SMIM7: variants seen among roughly 807,000 people sequenced by gnomAD.
SMIM7 encodes small integral membrane protein 7.
In SMIM7, 12 loss-of-function variants were observed where a neutral mutation model predicts 13.3. That is an observed-to-expected ratio of 0.90 (90% CI 0.58 to 1.46). SMIM7 has a LOEUF of 1.46. Ranked by LOEUF, SMIM7 falls within the 40% of genes most tolerant of loss-of-function variation. The probability of loss-of-function intolerance (pLI) is 0.00; values close to 1 mark genes in which losing one functional copy is unlikely to be tolerated. For missense variants in SMIM7, 114 were observed against 94.8 expected, an observed-to-expected ratio of 1.20 and a Z score of -0.84; for synonymous variants, 36 against 35.8, an observed-to-expected ratio of 1.01 and a Z score of -0.02.
intron 4 of SMIM7, among the ~76,000 whole-genome samples, chr19:16,650,347 G>A (rs960763493): frequency 6.6e-6 from 1 of 152,126 alleles, no homozygotes; most frequent in African/African-American, 2.4e-5. Context: ...AAATACTCAG[G>A]GACGTTTCTC....
intron 3 of SMIM7, among the ~76,000 whole-genome samples, chr19:16,657,339 G>A (rs2086609210): frequency 6.6e-6 from 1 of 152,174 alleles, no homozygotes; most frequent in African/African-American, 2.4e-5. Flanking sequence ...GCCACTTTGT[G>A]CCAAATCTCC....
chr19:16,647,751 C>T (rs911335004), intron 4 of SMIM7, among the ~76,000 whole-genome samples: 1 of 152,006 alleles, frequency 6.6e-6, no homozygotes. Flanking sequence ...CCACTCCGCA[C>T]AGCCAACACC....
chr19:16,635,920 A>ATATG (rs2086357528), intron 4 of SMIM7, among the ~76,000 whole-genome samples: 1 of 145,388 alleles, frequency 6.9e-6, no homozygotes, highest in African/African-American at 2.5e-5. Context: ...ATATATATAT[A>ATATG]TATGTATGTA....
At position 16,659,949 on chromosome 19, in the gene SMIM7, A is replaced by G. The variant is rs751602585; in HGVS notation, c.68+10T>C. 6.2e-7 allele frequency: 1 copy of G among 1,601,360 alleles called. No individual in the cohort carries two copies. The highest frequency in any genetic ancestry group is 8.5e-7 in the Non-Finnish European group (1 of 1,177,276). On this transcript the variant is annotated intron_variant, in intron 2 of 4. Transcript: ENST00000487416. ...CGGATGGAGCCGCAGTCCGGCCGCGACCTACTCACAGCTTAAAGTTCAGCA... is the reference window on the plus strand; with the variant it reads ...CGGATGGAGCCGCAGTCCGGCCGCGGCCTACTCACAGCTTAAAGTTCAGCA...
intron 4 of SMIM7, chr19:16,639,955 T>C (rs553858547): frequency 6.7e-6 from 1 of 149,932 alleles, no homozygotes; most frequent in East Asian, 1.9e-4. Context: ...GGTTTTTTGT[T>C]TTTTTTTTTT....
downstream of SMIM7, among the ~76,000 whole-genome samples, chr19:16,644,420 CTCAG>C (rs2086430003): frequency 6.6e-6 from 1 of 150,474 alleles, no homozygotes; most frequent in Non-Finnish European, 1.5e-5. Context: ...TCTCACTGCA[CTCAG>C]TCTGTTTGTA....
At chr19:16,634,556 C>T (rs1338414825) in intron 4 of SMIM7, 1 of 152,108 alleles carries the variant, frequency 6.6e-6, no homozygotes, top group Non-Finnish European at 1.5e-5. Flanking sequence ...GTAGGCGGGT[C>T]ACTTGAGCTC....
chr19:16,642,247 G>T (rs568168041), downstream of SMIM7, among the ~76,000 whole-genome samples: 64 of 152,286 alleles, frequency 4.2e-4, no homozygotes, highest in Non-Finnish European at 7.5e-4. Context: ...TTACAATGGC[G>T]TATTTGCAGT....
exon 5 of SMIM7, chr19:16,630,955 G>A (rs1459861023): frequency 6.6e-6 from 1 of 152,198 alleles, no homozygotes; most frequent in Non-Finnish European, 1.5e-5. Flanking sequence ...TGCGGCACGA[G>A]ATAATTCCTC....
At chr19:16,653,956 G>T in intron 4 of SMIM7, 79 bp downstream of exon 4, 2 of 1,104,176 alleles carry the variant, frequency 1.8e-6, no homozygotes, top group African/African-American at 1.6e-5. Flanking sequence ...TGAAAAGACA[G>T]AGAATGACCA....
Position 16,646,429 on chromosome 19 carries a change from T to G in SMIM7, c.*817A>C, listed in dbSNP as rs1217303251. On this transcript the variant is annotated 3_prime_UTR_variant, in exon 5 of 5. Transcript: ENST00000487416. The stretch of plus-strand genomic sequence containing the variant: ...AAAGAAGCTTCTGGAAAATGCTGTA[T>G]TTCCTAGATGAAGGCCCCTGGTTTT... 2 of 152,266 alleles carry G rather than the reference T, an allele frequency of 1.3e-5. No individual in the cohort carries two copies. The highest frequency in any genetic ancestry group is 4.8e-5 in the African/African-American group (2 of 41,450). The allele number at this position is 152,266 out of a possible 1,614,324, so 9.4% of individuals were successfully genotyped here.
At chr19:16,649,687 G>A (rs1239410838) in intron 4 of SMIM7, among the ~76,000 whole-genome samples, 2 of 152,302 alleles carry the variant, frequency 1.3e-5, no homozygotes, top group East Asian at 1.9e-4. Context: ...GAATGTTCTT[G>A]TCACCACTTT....
At chr19:16,656,913 C>A (rs887633424) in intron 3 of SMIM7, among the ~76,000 whole-genome samples, 16 of 151,372 alleles carry the variant, frequency 1.1e-4, no homozygotes, top group Non-Finnish European at 1.5e-4. Flanking sequence ...AAAAAAACAA[C>A]AAAAAAACAA....
chr19:16,637,825 T>C (rs745575920), intron 4 of SMIM7, among the ~76,000 whole-genome samples: 3 of 152,178 alleles, frequency 2.0e-5, no homozygotes, highest in Non-Finnish European at 4.4e-5. Context: ...TGACCATCTG[T>C]TATGGACTGA....
intron 4 of SMIM7, 81 bp downstream of exon 4, chr19:16,653,954 C>T: frequency 9.2e-7 from 1 of 1,082,022 alleles, no homozygotes; most frequent in South Asian, 1.4e-5. Context: ...ACTGAAAAGA[C>T]AGAGAATGAC....
At chr19:16,644,454 A>T (rs562888891), downstream of SMIM7, among the ~76,000 whole-genome samples, 4 of 127,262 alleles carry the variant, frequency 3.1e-5, no homozygotes, top group East Asian at 7.0e-4. Context: ...TTTTTTTCCG[A>T]GACAGAAGAT....
downstream of SMIM7, among the ~76,000 whole-genome samples, chr19:16,643,531 G>C (rs564373273): frequency 2.2e-4 from 33 of 152,182 alleles, no homozygotes; most frequent in African/African-American, 7.9e-4. Context: ...TGAGTAGCTG[G>C]GACTACAGGC....
At chr19:16,643,021 A>T (rs1056023743), downstream of SMIM7, among the ~76,000 whole-genome samples, 1 of 151,958 alleles carries the variant, frequency 6.6e-6, no homozygotes, top group African/African-American at 2.4e-5. Context: ...ACGGGGTTTC[A>T]TCGAACTCCT....
chr19:16,646,274 T>C lies in SMIM7; in HGVS notation c.*972A>G, dbSNP rs2086448352. The C allele has an allele frequency of 6.6e-6, 1 of 152,162 alleles. No homozygotes were observed. The highest frequency in any genetic ancestry group is 2.4e-5 in the African/African-American group (1 of 41,418). 9.4% of individuals were successfully genotyped at this position (152,162 alleles called of 1,614,324 possible). A position where few individuals can be genotyped will look rare whatever the true frequency, so the allele number is the denominator to read the frequency against. ...CAAAAACCACCAACATTCAGGCTCA[T>C]TCTTATTGGTATAAACAAACAAACA... On this transcript the variant is annotated 3_prime_UTR_variant, in exon 5 of 5. Coordinates refer to ENST00000487416, the MANE Select transcript of SMIM7 (RefSeq NM_024104.4).
Sources: allele counts gnomAD v4.1 joint callset (sites outside exome capture counted in the v4.1 genomes callset), GRCh38; gene constraint gnomAD v4.1.1; transcripts MANE v1.5; gene names NCBI Gene and HGNC (gene_info 2026-07-23, HGNC 2026-07-21).